Variants in CABIN1 observed in about 807,000 individuals in gnomAD.
The protein encoded by CABIN1 is calcineurin-binding protein cabin-1.
In CABIN1, 133 loss-of-function variants were observed where a neutral mutation model predicts 227.7. The ratio of observed to expected loss-of-function variants is 0.58; its 90% CI spans 0.51 to 0.67. The LOEUF is 0.67. CABIN1 is among the 30% of genes least tolerant of loss of function. The probability of loss-of-function intolerance (pLI) is 0.00; values close to 1 mark genes in which losing one functional copy is unlikely to be tolerated. For synonymous variants in CABIN1, 1,086 were observed against 1,155.1 expected, an observed-to-expected ratio of 0.94 and a Z score of 1.21; for missense variants, 2,408 against 2,852.5, an observed-to-expected ratio of 0.84 and a Z score of 3.55.
At chr22:24,122,436 G>A (rs556572184) in intron 28 of CABIN1, among the ~76,000 whole-genome samples, 151 of 151,934 alleles carry the variant, frequency 9.9e-4, no homozygotes, top group African/African-American at 3.4e-3. Context: ...GGCTGGGCAC[G>A]GTGGTTCACG....
rs1569158568 is a variant in CABIN1 at position 24,067,056 on chromosome 22, G to A, written c.2107G>A (p.Gly703Ser). 8 of 1,614,200 alleles carry A rather than the reference G, an allele frequency of 5.0e-6. No individual in the cohort carries two copies. The highest frequency in any genetic ancestry group is 6.8e-6 in the Non-Finnish European group (8 of 1,180,030). Residue 703 changes from glycine (G) to serine (S), a missense_variant, in exon 16 of 37, where the codon GGC (glycine) becomes AGC (serine). Physicochemically the swap from Gly to Ser is moderately conservative, Grantham distance 56. This residue lies in a region of CABIN1 where 1,045 missense variants were observed against 1,168.4 expected (regional missense o/e 0.89). Transcript: ENST00000263119. ...LEEIQRLYEA[G>S]DYKAVVHLLR... ...GGAGATTCAGCGGCTGTATGAAGCAGGCGACTACAAGGCTGTTGTGCATCT... is the reference window on the plus strand; with the variant it reads ...GGAGATTCAGCGGCTGTATGAAGCAAGCGACTACAAGGCTGTTGTGCATCT...
chr22:24,150,325 G>T (rs2045407216), intron 29 of CABIN1, among the ~76,000 whole-genome samples: 1 of 152,218 alleles, frequency 6.6e-6, no homozygotes, highest in Non-Finnish European at 1.5e-5. Context: ...TCTCCTGGAG[G>T]CCTGCGCTGA....
intron 33 of CABIN1, among the ~76,000 whole-genome samples, chr22:24,171,463 C>G (rs1396434380): frequency 6.6e-6 from 1 of 152,232 alleles, no homozygotes; most frequent in Non-Finnish European, 1.5e-5. Flanking sequence ...CCAGTACGGC[C>G]TGGACATTCT....
At chr22:24,051,691 C>T (rs1300986798) in intron 8 of CABIN1, among the ~76,000 whole-genome samples, 1 of 152,130 alleles carries the variant, frequency 6.6e-6, no homozygotes, top group Non-Finnish European at 1.5e-5. Flanking sequence ...ACTGACCTGA[C>T]CTGGGTCCAA....
At chr22:24,088,947 A>G (rs2041358000) in intron 23 of CABIN1, among the ~76,000 whole-genome samples, 1 of 152,296 alleles carries the variant, frequency 6.6e-6, no homozygotes, top group African/African-American at 2.4e-5. Flanking sequence ...GTTCTGCACT[A>G]AAGTCCCTTG....
At chr22:24,139,856 T>C (rs929250761) in intron 29 of CABIN1, among the ~76,000 whole-genome samples, 2 of 152,224 alleles carry the variant, frequency 1.3e-5, no homozygotes, top group African/African-American at 2.4e-5. Context: ...CCCTCAGCAG[T>C]TGGTCTCCAA....
intron 8 of CABIN1, among the ~76,000 whole-genome samples, chr22:24,052,898 G>C (rs906808097): frequency 6.6e-6 from 1 of 152,006 alleles, no homozygotes; most frequent in African/African-American, 2.4e-5. Context: ...CACGAGTAAG[G>C]GAAATGGTGT....
intron 19 of CABIN1, among the ~76,000 whole-genome samples, chr22:24,082,359 G>T (rs750634952): frequency 2.6e-5 from 4 of 152,102 alleles, no homozygotes; most frequent in Non-Finnish European, 5.9e-5. Flanking sequence ...CAAAGTGCTG[G>T]AATTACAGGC....
chr22:24,066,589 T>G (rs1239548229), intron 15 of CABIN1, among the ~76,000 whole-genome samples: 2 of 152,210 alleles, frequency 1.3e-5, no homozygotes, highest in Non-Finnish European at 2.9e-5. Context: ...AGGTCCTGCA[T>G]GTAGCGTATG....
rs564325458 is a variant in CABIN1, at chr22:24,028,344, T to C, written c.-74-7100T>C. ...AAGTGTGTCAAAAAAACGGGGACTG[T>C]TAAAGTCCTATTTCAGCTGAGATGA... On this transcript the variant is annotated intron_variant, in intron 1 of 36. Coordinates refer to ENST00000263119, the MANE Select transcript of CABIN1 (RefSeq NM_012295.4). Among the ~76,000 whole-genome samples the C allele has an allele frequency of 7.2e-5, 11 of 152,256 alleles. No individual in the cohort carries two copies. The South Asian group carries it at 1.7e-3, about 23-fold the overall frequency.
chr22:24,020,836 T>TTGTG (rs71184941), intron 1 of CABIN1, among the ~76,000 whole-genome samples: 10 of 137,020 alleles, frequency 7.3e-5, no homozygotes, highest in South Asian at 2.6e-4. Context: ...TGAGCAGTTT[T>TTGTG]TGTGTGTGTG....
At chr22:24,121,596 C>T (rs1257059117) in intron 28 of CABIN1, among the ~76,000 whole-genome samples, 1 of 152,224 alleles carries the variant, frequency 6.6e-6, no homozygotes, top group Admixed American at 6.5e-5. Context: ...CTTAATAAAC[C>T]CCAACCAGCA....
chr22:24,041,654 A>G (rs941603153), intron 5 of CABIN1, among the ~76,000 whole-genome samples: 2 of 152,244 alleles, frequency 1.3e-5, no homozygotes, highest in African/African-American at 4.8e-5. Flanking sequence ...TATCAAAAAC[A>G]AAGTCTGAAA....
At position 24,177,144 on chromosome 22, in the gene CABIN1, G is replaced by A. The variant is rs967170543; in HGVS notation, c.6206-360G>A. Among the ~76,000 whole-genome samples the A allele has an allele frequency of 6.6e-6, 1 of 152,228 alleles. No individual in the cohort carries two copies. The highest frequency in any genetic ancestry group is 1.9e-4 in the East Asian group (1 of 5,186). ...GCTTCAGTGTCCTCCCTGGGGCATA[G>A]ACACCAATAGGACATGCATCCTAGG... On this transcript the variant is annotated intron_variant, in intron 35 of 36. Transcript: ENST00000263119. This position sits in a 1 kb window ranked among gnomAD's most constrained non-coding sequence, Gnocchi z 4.4.
chr22:24,055,235 G>C, intron 9 of CABIN1, 76 bp downstream of exon 9: 3 of 1,525,982 alleles, frequency 2.0e-6, no homozygotes, highest in Admixed American at 1.7e-5. Flanking sequence ...CTGCTGGGGA[G>C]CCCTGCCTCC....
At chr22:24,040,947 CT>C (rs1192650240) in intron 4 of CABIN1, among the ~76,000 whole-genome samples, 191 bp from the exon 5 acceptor site, 1 of 152,144 alleles carries the variant, frequency 6.6e-6, no homozygotes, top group Admixed American at 6.5e-5. Context: ...GTGGTCTGTT[CT>C]TCTCTGTGCG....
chr22:24,163,879 G>A (rs1305899628), intron 29 of CABIN1, among the ~76,000 whole-genome samples: 1 of 152,248 alleles, frequency 6.6e-6, no homozygotes, highest in African/African-American at 2.4e-5. Context: ...AGGATGGCAA[G>A]AAGTGGGAAG....
intron 9 of CABIN1, 59 bp from the exon 10 acceptor site, chr22:24,056,133 T>C: frequency 7.1e-7 from 1 of 1,401,476 alleles, no homozygotes; most frequent in Non-Finnish European, 1.0e-6. Flanking sequence ...TGTGTCTGTG[T>C]GGTGCATTTT....
Position 24,126,914 on chromosome 22 carries a change from G to A in CABIN1, c.4632+7216G>A, listed in dbSNP as rs545176999. Among the ~76,000 whole-genome samples the A allele has an allele frequency of 6.6e-5, 10 of 151,420 alleles. No homozygotes were observed. In the East Asian group the frequency reaches 1.9e-3, roughly 29 times the overall value. On this transcript the variant is annotated intron_variant, in intron 28 of 36. Transcript: ENST00000263119. ...CTCAGTAGGCTAAGGAAGGAGAATCGCTTGAACCTGGGAGGCAGAGGTTGC... is the reference window on the plus strand; with the variant it reads ...CTCAGTAGGCTAAGGAAGGAGAATCACTTGAACCTGGGAGGCAGAGGTTGC...
Sources: gnomAD v4.1 joint callset for allele counts (sites outside exome capture counted in the v4.1 genomes callset) on GRCh38, gnomAD v4.1.1 for gene constraint, gnomAD v4.1.1 regional missense constraint, Gnocchi (gnomAD v3.1) non-coding constraint, MANE v1.5 for transcripts, NCBI Gene and HGNC (gene_info 2026-07-23, HGNC 2026-07-21) for gene names.